The following NFXL1 variants were observed in gnomAD, a reference collection of about 807,000 sequenced individuals.
NFXL1 encodes the protein NF-X1-type zinc finger protein NFXL1.
In NFXL1, 66 loss-of-function variants were observed where a neutral mutation model predicts 123.3. The observed-to-expected ratio is 0.54, with a 90% CI of 0.44 to 0.66. The LOEUF (loss-of-function observed/expected upper bound fraction) is 0.66, where lower values mean the gene tolerates loss of function less well. Ranked by LOEUF, NFXL1 falls within the 30% of genes least tolerant of loss-of-function variation. NFXL1 has a pLI of 0.00. For synonymous variants in NFXL1, 346 were observed against 360.8 expected, an observed-to-expected ratio of 0.96 and a Z score of 0.46; for missense variants, 944 against 1,125.6, an observed-to-expected ratio of 0.84 and a Z score of 2.31.
intron 19 of NFXL1, among the ~76,000 whole-genome samples, chr4:47,857,306 C>A (rs1046949069): frequency 1.3e-5 from 2 of 152,164 alleles, no homozygotes; most frequent in African/African-American, 4.8e-5. Context: ...TTCCCCCAAT[C>A]CTTCTCAGTC....
chr4:47,898,348 G>A (rs1209194584), intron 8 of NFXL1, among the ~76,000 whole-genome samples: 2 of 151,982 alleles, frequency 1.3e-5, no homozygotes, highest in Non-Finnish European at 2.9e-5. Context: ...GCTCCATATG[G>A]CCATTCACCA....
In NFXL1 at chr4:47,903,268, C is replaced by T. The variant is rs2110103492; in HGVS notation, c.572G>A (p.Trp191Ter). The T allele has an allele frequency of 6.3e-7, 1 of 1,598,988 alleles. No individual in the cohort carries two copies. Among genetic ancestry groups the T allele is most frequent in the Non-Finnish European group, 8.5e-7 (1 of 1,171,526 alleles). ...TACAAGAAACTGGCTGTCTTTAGCC[C>T]ACTTCTGGATACAGGGCATGTGAAA... is the stretch of plus-strand genomic sequence containing the variant. ...CIFHMPCIQK[W>*]AKDSQFLVSS... The change falls in exon 5 of 23, where the codon TGG becomes TAG. Residue 191 changes from tryptophan to a stop codon, truncating the protein, a stop_gained. Transcript: ENST00000507489. LOFTEE classifies it high-confidence loss of function.
chr4:47,847,348 T>C lies in NFXL1; in HGVS notation c.*815A>G, dbSNP rs1733868095. The stretch of plus-strand genomic sequence containing the variant: ...ATTTGACTTACTGATATTTCTCTAT[T>C]TGTTTTCATAAGAACTGATTATTTT... On this transcript the variant is annotated 3_prime_UTR_variant, in exon 23 of 23. Coordinates refer to ENST00000507489, the MANE Select transcript of NFXL1 (RefSeq NM_001278624.2). 1 of 152,234 alleles carries C rather than the reference T, an allele frequency of 6.6e-6. No individual in the cohort carries two copies. The highest frequency in any genetic ancestry group is 2.1e-4 in the South Asian group (1 of 4,836). The allele number at this position is 152,234 out of a possible 1,614,324, so 9.4% of individuals were successfully genotyped here.
intron 17 of NFXL1, chr4:47,877,032 G>A (rs1246807397): frequency 8.0e-7 from 1 of 1,245,610 alleles, no homozygotes; most frequent in Non-Finnish European, 1.1e-6. Context: ...TATTTCATTT[G>A]CTCTTCCTAT....
Position 47,914,021 on chromosome 4 carries a change from C to T in NFXL1, c.183G>A (p.Gly61=). 1.3e-6 allele frequency: 2 copies of T among 1,548,780 alleles called. No homozygotes were observed. The highest frequency in any genetic ancestry group is 1.7e-6 in the Non-Finnish European group (2 of 1,146,930). ...GGGATCCTGCGGGGCTGTGCCTGCT[C>T]CCTGCAGCCGCCGTGGTCGCGACTC... ...PGGVATTAAA[G]SRHSPAGSQA... is the part of the protein sequence containing the mutation. The change falls in exon 2 of 23, where the codon GGG becomes GGA. Residue 61 remains glycine, a synonymous_variant. Coordinates refer to ENST00000507489, the MANE Select transcript of NFXL1 (RefSeq NM_001278624.2).
intron 9 of NFXL1, 158 bp from the exon 10 acceptor site, chr4:47,896,805 T>C: frequency 1.8e-6 from 1 of 559,004 alleles, no homozygotes; most frequent in Non-Finnish European, 3.2e-6. Context: ...TTAATGAAAA[T>C]AATCCCTAAT....
intron 17 of NFXL1, 125 bp from the exon 18 acceptor site, chr4:47,875,418 T>C: frequency 1.6e-6 from 1 of 612,102 alleles, no homozygotes. Context: ...AGAAACAGAG[T>C]TAATCAAACG....
rs779447388 is a variant in NFXL1, at chr4:47,910,849, C to A, written c.381G>T (p.Thr127=). ...CTGTCTGAGTAGTGTATGTTATAAA[C>A]GTATTTGCAAGTATTTTTCCCTGTT... is the stretch of plus-strand genomic sequence containing the variant. ...EGKQGKILAN[T]FITYTTQTDG... is the part of the protein sequence containing the mutation. The change falls in exon 3 of 23, where the codon ACG becomes ACT. Residue 127 remains threonine (T), a synonymous_variant. Transcript: ENST00000507489. The A allele has an allele frequency of 6.3e-7, 1 of 1,597,364 alleles. No individual in the cohort carries two copies. Among genetic ancestry groups the A allele is most frequent in the Admixed American group, 1.8e-5 (1 of 56,748 alleles).
At chr4:47,898,392 T>A (rs1301287935) in intron 8 of NFXL1, among the ~76,000 whole-genome samples, 1 of 152,110 alleles carries the variant, frequency 6.6e-6, no homozygotes, top group Non-Finnish European at 1.5e-5. Context: ...CCATGCCAAT[T>A]CTAGGACAAG....
At chr4:47,911,221 T>C (rs1737814182) in intron 2 of NFXL1, among the ~76,000 whole-genome samples, 1 of 152,088 alleles carries the variant, frequency 6.6e-6, no homozygotes, top group South Asian at 2.1e-4. Flanking sequence ...ATGCAGCAAA[T>C]TTTTATGATA....
intron 15 of NFXL1, among the ~76,000 whole-genome samples, chr4:47,882,904 T>A (rs1736201575): frequency 6.6e-6 from 1 of 152,216 alleles, no homozygotes; most frequent in Non-Finnish European, 1.5e-5. Flanking sequence ...AAGACATTTT[T>A]AATTTCTTTT....
chr4:47,911,850 A>G (rs1737842686), intron 2 of NFXL1, among the ~76,000 whole-genome samples: 1 of 152,236 alleles, frequency 6.6e-6, no homozygotes, highest in Non-Finnish European at 1.5e-5. Flanking sequence ...AAGTGTTAAT[A>G]AGCTCTTACG....
chr4:47,873,349 C>T (rs1369301666), intron 18 of NFXL1, among the ~76,000 whole-genome samples: 1 of 152,118 alleles, frequency 6.6e-6, no homozygotes, highest in Non-Finnish European at 1.5e-5. Flanking sequence ...TTTCAATTTA[C>T]CCAGATCTAT....
chr4:47,854,740 C>T (rs1376369274), intron 20 of NFXL1, among the ~76,000 whole-genome samples: 1 of 151,992 alleles, frequency 6.6e-6, no homozygotes, highest in Non-Finnish European at 1.5e-5. Flanking sequence ...GTTCCTTGTT[C>T]AAAGACCTCA....
In NFXL1 at chr4:47,898,786, A is replaced by G. The variant is rs1660978536; in HGVS notation, c.1060T>C (p.Cys354Arg). The change falls in exon 8 of 23, where the codon TGT (cysteine) becomes CGT (arginine). Residue 354 changes from cysteine (C) to arginine (R), a missense_variant. Coordinates refer to ENST00000507489, the MANE Select transcript of NFXL1 (RefSeq NM_001278624.2). ...TCACAGTGCCATAGTGGACTTGCAC[A>G]ACTTCTTTCAGCTACTTTTTTGCCA... ...VCGKKVAERSCASPLWHCDQV... is the reference protein window; with the variant it reads ...VCGKKVAERSRASPLWHCDQV... The G allele has an allele frequency of 6.2e-7, 1 of 1,613,402 alleles. No individual in the cohort carries two copies. The highest frequency in any genetic ancestry group is 8.5e-7 in the Non-Finnish European group (1 of 1,179,366).
intron 2 of NFXL1, among the ~76,000 whole-genome samples, chr4:47,913,344 C>T (rs1271932728): frequency 6.6e-6 from 1 of 152,166 alleles, no homozygotes; most frequent in Non-Finnish European, 1.5e-5. Flanking sequence ...GATATGTCCA[C>T]AGAAGGACAT....
chr4:47,896,855 A>C, intron 9 of NFXL1: 1 of 513,752 alleles, frequency 1.9e-6, no homozygotes, highest in Non-Finnish European at 3.4e-6. Flanking sequence ...AATTTGACAC[A>C]AGTTACTATC....
At position 47,885,124 on chromosome 4, in the gene NFXL1, C is replaced by CA. The variant is rs531124329; in HGVS notation, c.1824+373dup. On this transcript the variant is annotated intron_variant, in intron 14 of 22. Transcript: ENST00000507489. ...TGGGCAACAGAGTGAGACTCCGTCT[C>CA]AAAAAAAAAAAAAATTAAATAACTA... Among the ~76,000 whole-genome samples, 337 of 86,608 alleles carry CA rather than the reference C, an allele frequency of 3.9e-3. 1 individual carries two copies. Among genetic ancestry groups the CA allele is most frequent in the Middle Eastern group, 7.1e-3 (1 of 140 alleles). 56.8% of individuals were successfully genotyped at this position (86,608 alleles called of 152,430 possible).
At chr4:47,863,701 A>G (rs902201338) in intron 18 of NFXL1, among the ~76,000 whole-genome samples, 1 of 152,190 alleles carries the variant, frequency 6.6e-6, no homozygotes, top group Non-Finnish European at 1.5e-5. Context: ...AAAATAAAAT[A>G]GTAATTCACT....
Sources: allele counts gnomAD v4.1 joint callset (sites outside exome capture counted in the v4.1 genomes callset), GRCh38; gene constraint gnomAD v4.1.1; transcripts MANE v1.5; gene names NCBI Gene and HGNC (gene_info 2026-07-23, HGNC 2026-07-21).